The following GAK variants were observed in gnomAD, a reference collection of about 807,000 sequenced individuals.
GAK encodes the protein cyclin-G-associated kinase.
In GAK, 79 loss-of-function variants were observed where a neutral mutation model predicts 143.9. The observed-to-expected ratio is 0.55, with a 90% CI of 0.46 to 0.66. GAK has a LOEUF of 0.66. Ranked by LOEUF, GAK falls within the 30% of genes least tolerant of loss-of-function variation. The pLI, the probability that GAK is intolerant of heterozygous loss-of-function variation, is 0.00. For missense variants in GAK, 1,693 were observed against 1,779.7 expected (o/e 0.95, Z 0.88); for synonymous variants, 881 against 765.5 (o/e 1.15, Z -2.49).
chr4:870,418 G>A (rs568014579), intron 19 of GAK, among the ~76,000 whole-genome samples: 33 of 152,176 alleles, frequency 2.2e-4, no homozygotes, highest in Non-Finnish European at 4.6e-4. Context: ...CCAGACACAC[G>A]CCTGGGACAA....
chr4:880,112 C>T (rs573973882), intron 15 of GAK, among the ~76,000 whole-genome samples: 30 of 144,584 alleles, frequency 2.1e-4, no homozygotes, highest in Admixed American at 1.1e-3. Flanking sequence ...CACTGGACCA[C>T]GCACCCTGCA....
In GAK at chr4:877,629, C is replaced by T. The variant is rs1289661359; in HGVS notation, c.1842G>A (p.Glu614=). The part of the protein sequence containing the change: ...GDERVASTSQ[E]YDKMRDFKIE... ...GCTGCACTCACCGCATCTTGTCGTACTCCTGGGAGGTGCTGGCCACACGCT... is the reference window on the plus strand; with the variant it reads ...GCTGCACTCACCGCATCTTGTCGTATTCCTGGGAGGTGCTGGCCACACGCT... Residue 614 remains glutamate, a synonymous_variant, in exon 16 of 28, where the codon GAG becomes GAA. Transcript: ENST00000314167. 2 of 1,590,268 alleles carry T rather than the reference C, an allele frequency of 1.3e-6. No homozygotes were observed. The highest frequency in any genetic ancestry group is 2.3e-5 in the South Asian group (2 of 88,130).
intron 1 of GAK, among the ~76,000 whole-genome samples, chr4:917,358 A>C (rs1011037117): frequency 6.6e-6 from 1 of 152,220 alleles, no homozygotes; most frequent in Non-Finnish European, 1.5e-5. Context: ...ATACACACAC[A>C]TACAGTCAGT....
At chr4:888,732 G>T in intron 11 of GAK, 115 bp downstream of exon 11, 2 of 1,307,610 alleles carry the variant, frequency 1.5e-6, no homozygotes, top group Non-Finnish European at 2.1e-6. Flanking sequence ...ACTGCCTCAG[G>T]GGCCCCTGTG....
intron 15 of GAK, among the ~76,000 whole-genome samples, 195 bp downstream of exon 15, chr4:881,712 G>A (rs1715142362): frequency 6.6e-6 from 1 of 152,260 alleles, no homozygotes; most frequent in Non-Finnish European, 1.5e-5. Flanking sequence ...GGACTACCGC[G>A]GCTGAGGGCC....
intron 7 of GAK, chr4:894,299 C>T (rs1389665697): frequency 1.6e-5 from 4 of 243,576 alleles, no homozygotes; most frequent in East Asian, 1.9e-4. Context: ...AGGGGTGACG[C>T]CTGGGCCTGT....
intron 1 of GAK, among the ~76,000 whole-genome samples, chr4:927,755 G>A (rs1445078899): frequency 3.6e-5 from 5 of 138,450 alleles, no homozygotes; most frequent in African/African-American, 1.1e-4. Context: ...GCACTGCCCC[G>A]CACCCCTCCC....
intron 1 of GAK, among the ~76,000 whole-genome samples, chr4:914,474 CCA>C (rs1560429089): frequency 2.8e-5 from 3 of 106,474 alleles, no homozygotes; most frequent in Non-Finnish European, 3.9e-5. Context: ...GTGCACGGCC[CCA>C]CACACACACA....
chr4:865,552 A>G (rs370516255), intron 22 of GAK, among the ~76,000 whole-genome samples: 1 of 152,156 alleles, frequency 6.6e-6, no homozygotes, highest in Non-Finnish European at 1.5e-5. Context: ...CCATCCCCAC[A>G]GCCTGCGTTC....
Position 894,012 on chromosome 4 carries a change from G to A in GAK, c.742-3C>T, listed in dbSNP as rs779413811. The A allele has an allele frequency of 6.3e-6, 10 of 1,597,138 alleles. No individual in the cohort carries two copies. The highest frequency in any genetic ancestry group is 8.5e-6 in the Non-Finnish European group (10 of 1,171,906). On this transcript the variant is annotated splice_region_variant and splice_polypyrimidine_tract_variant and intron_variant, in intron 7 of 27. Transcript: ENST00000314167. The stretch of plus-strand genomic sequence containing the variant: ...AGGTACAAGATGCAGCCCAGGGCCT[G>A]CGGGGAGAGCAGGGGTGATGCCTAG...
At chr4:850,794 G>A (rs548613779) in intron 26 of GAK, 142 bp downstream of exon 26, 83 of 903,368 alleles carry the variant, frequency 9.2e-5, no homozygotes, top group African/African-American at 2.8e-4. Flanking sequence ...GTCTGGAGAC[G>A]CCGGCTCCAT....
At chr4:856,589 C>T (rs1352264311) in intron 24 of GAK, among the ~76,000 whole-genome samples, 1 of 149,474 alleles carries the variant, frequency 6.7e-6, no homozygotes, top group Non-Finnish European at 1.5e-5. Context: ...CTCACCACCA[C>T]AGGTGCTCAC....
chr4:923,955 C>T (rs1724289101), intron 1 of GAK, among the ~76,000 whole-genome samples: 2 of 152,090 alleles, frequency 1.3e-5, no homozygotes, highest in African/African-American at 4.8e-5. Context: ...GAGGCCAAGG[C>T]CGGCGGGTGA....
intron 5 of GAK, among the ~76,000 whole-genome samples, chr4:902,574 C>T (rs76585304): frequency 0.019 from 2,158 of 114,576 alleles, 47 homozygotes; most frequent in African/African-American, 0.074. Context: ...GCACTCCAGC[C>T]TGGGCTGTAG....
intron 11 of GAK, among the ~76,000 whole-genome samples, chr4:885,216 C>T (rs1241120743): frequency 1.3e-5 from 2 of 152,176 alleles, no homozygotes; most frequent in South Asian, 2.1e-4. Context: ...GCCACTTTTG[C>T]AGCAAGAGAC....
rs529432265 is a variant in GAK, at chr4:866,311, G to A, written c.3043+53C>T. On this transcript the variant is annotated intron_variant, in intron 22 of 27. Coordinates refer to ENST00000314167, the MANE Select transcript of GAK (RefSeq NM_005255.4). ...AGCTCTGTTTCCCACCAGAGGCTGC[G>A]GTCCTGAGGGAGGCGGCCATGGAGA... is the stretch of plus-strand genomic sequence containing the variant. 7 of 1,554,850 alleles carry A rather than the reference G, an allele frequency of 4.5e-6. No individual in the cohort carries two copies. In the East Asian group the frequency reaches 1.3e-4, roughly 30 times the overall value.
At chr4:928,354 G>A (rs865913814) in intron 1 of GAK, among the ~76,000 whole-genome samples, 2 of 152,284 alleles carry the variant, frequency 1.3e-5, no homozygotes, top group East Asian at 1.9e-4. Context: ...CGTCGTGCCC[G>A]GCCCGGTCTA....
chr4:884,330 T>A, intron 11 of GAK: 1 of 523,310 alleles, frequency 1.9e-6, no homozygotes, highest in Non-Finnish European at 3.4e-6. Context: ...GAGGCATGGG[T>A]GAGACAGGAG....
intron 1 of GAK, among the ~76,000 whole-genome samples, chr4:920,990 A>C (rs1288068321): frequency 1.3e-5 from 2 of 152,254 alleles, no homozygotes; most frequent in Non-Finnish European, 2.9e-5. Flanking sequence ...CTTACTACAC[A>C]GCTAAATTAA....
Sources: allele counts gnomAD v4.1 joint callset (sites outside exome capture counted in the v4.1 genomes callset), GRCh38; gene constraint gnomAD v4.1.1; transcripts MANE v1.5; gene names NCBI Gene and HGNC (gene_info 2026-07-23, HGNC 2026-07-21).